Variants in TANC2 observed in about 807,000 individuals in gnomAD.
TANC2 encodes protein TANC2.
A neutral mutation model predicts 210.5 loss-of-function variants in TANC2; 26 were observed. That is an observed-to-expected ratio of 0.12 (90% CI 0.09 to 0.17). The LOEUF (loss-of-function observed/expected upper bound fraction) is 0.17. TANC2 is among the 10% of genes least tolerant of loss of function. The pLI, the probability that TANC2 is intolerant of heterozygous loss-of-function variation, is 1.00. For synonymous variants in TANC2, 931 were observed against 967.1 expected, an observed-to-expected ratio of 0.96 and a Z score of 0.69; for missense variants, 2,129 against 2,608.9, an observed-to-expected ratio of 0.82 and a Z score of 4.01.
chr17:62,970,159 T>C (rs1158413315), intron 1 of TANC2, among the ~76,000 whole-genome samples: 1 of 152,206 alleles, frequency 6.6e-6, no homozygotes, highest in East Asian at 1.9e-4. Context: ...CCTTTCCTTA[T>C]TGTGCTGCGA....
intron 2 of TANC2, among the ~76,000 whole-genome samples, chr17:63,060,719 T>C (rs1260274172): frequency 1.3e-5 from 2 of 152,230 alleles, no homozygotes; most frequent in African/African-American, 4.8e-5. Context: ...AGTTATTTTG[T>C]TGGCTTAAAG....
chr17:63,020,404 A>C (rs1385298401), intron 2 of TANC2, among the ~76,000 whole-genome samples: 2 of 152,138 alleles, frequency 1.3e-5, no homozygotes, highest in Non-Finnish European at 2.9e-5. Context: ...CCTGGGCTCA[A>C]GAAATCCTCC....
chr17:63,063,397 A>G (rs966622545), intron 2 of TANC2, among the ~76,000 whole-genome samples: 1 of 152,150 alleles, frequency 6.6e-6, no homozygotes, highest in Non-Finnish European at 1.5e-5. Flanking sequence ...GCTTCTAATC[A>G]TGGCTTGGTC....
At chr17:63,296,145 T>C (rs1161747087) in intron 9 of TANC2, among the ~76,000 whole-genome samples, 1 of 152,170 alleles carries the variant, frequency 6.6e-6, no homozygotes, top group Non-Finnish European at 1.5e-5. Context: ...GAATCAGTCC[T>C]TGCCCTGAAG....
intron 9 of TANC2, among the ~76,000 whole-genome samples, chr17:63,296,642 A>G (rs2044545905): frequency 6.6e-6 from 1 of 152,254 alleles, no homozygotes. Context: ...AAATAGGGTC[A>G]AAGAGCTAAA....
chr17:63,146,967 T>A (rs2039481565), intron 4 of TANC2, among the ~76,000 whole-genome samples: 1 of 151,978 alleles, frequency 6.6e-6, no homozygotes, highest in African/African-American at 2.4e-5. Context: ...CTTAGGACTC[T>A]TTAAAAAACA....
intron 2 of TANC2, among the ~76,000 whole-genome samples, chr17:63,013,114 G>T (rs1444000493): frequency 1.3e-5 from 2 of 149,676 alleles, no homozygotes; most frequent in Non-Finnish European, 3.0e-5. Flanking sequence ...GGGTTGAAGT[G>T]CGGTAGTTAT....
At chr17:63,425,495 A>G (rs948707555) in exon 28 of TANC2, 3 of 152,238 alleles carry the variant, frequency 2.0e-5, no homozygotes, top group Non-Finnish European at 2.9e-5. Context: ...TTTAATATCC[A>G]TAAGTATTTT....
intron 5 of TANC2, among the ~76,000 whole-genome samples, chr17:63,187,717 A>G (rs2041044214): frequency 6.6e-6 from 1 of 152,104 alleles, no homozygotes; most frequent in African/African-American, 2.4e-5. Flanking sequence ...CTAAGACACA[A>G]TATGAAACTG....
chr17:63,408,489 C>A (rs1478474038), intron 21 of TANC2, among the ~76,000 whole-genome samples: 4 of 152,220 alleles, frequency 2.6e-5, no homozygotes, highest in Middle Eastern at 3.2e-3. Flanking sequence ...ACTTTCTTAT[C>A]CTACTCTTTC....
At chr17:63,164,096 T>C (rs934847747) in intron 5 of TANC2, among the ~76,000 whole-genome samples, 3 of 150,724 alleles carry the variant, frequency 2.0e-5, no homozygotes, top group African/African-American at 7.3e-5. Context: ...TACTGGGAGA[T>C]AAATTAGCAA....
intron 4 of TANC2, among the ~76,000 whole-genome samples, chr17:63,118,275 T>C (rs1310852283): frequency 2.0e-5 from 3 of 152,176 alleles, no homozygotes. Flanking sequence ...AACAACACAA[T>C]TTGCAAGTTA....
chr17:63,220,049 C>A (rs1397730969), intron 7 of TANC2, among the ~76,000 whole-genome samples: 1 of 152,044 alleles, frequency 6.6e-6, no homozygotes, highest in Non-Finnish European at 1.5e-5. Context: ...AGTCCCAACA[C>A]TGTGGGAGGT....
intron 4 of TANC2, among the ~76,000 whole-genome samples, chr17:63,101,307 T>C (rs964088117): frequency 1.3e-5 from 2 of 152,214 alleles, no homozygotes; most frequent in African/African-American, 4.8e-5. Context: ...TGGTTCTTTC[T>C]TGGCATTAAT....
intron 2 of TANC2, among the ~76,000 whole-genome samples, chr17:63,016,687 G>T (rs537150895): frequency 1.3e-5 from 2 of 152,202 alleles, no homozygotes; most frequent in African/African-American, 4.8e-5. Context: ...CATGGCATAA[G>T]GGTTCCAATT....
intron 14 of TANC2, among the ~76,000 whole-genome samples, chr17:63,362,227 A>G (rs2046983729): frequency 6.6e-6 from 1 of 152,238 alleles, no homozygotes; most frequent in African/African-American, 2.4e-5. Context: ...TCCTATCTGC[A>G]GGCAGGTTGT....
rs898516805 is a variant in TANC2 at position 62,987,304 on chromosome 17, C to G, written c.-24+20555C>G. Among the ~76,000 whole-genome samples the G allele has an allele frequency of 2.6e-5, 4 of 152,132 alleles. No individual in the cohort carries two copies. The South Asian group carries it at 8.3e-4, about 32-fold the overall frequency. The stretch of plus-strand genomic sequence containing the variant: ...AATTCGTAGTATAAAGATGGAGCCC[C>G]CGTGCTGGAGAGGTGCAGTGGCTAC... On this transcript the variant is annotated intron_variant, in intron 1 of 27. Transcript: ENST00000689528.
At chr17:63,000,570 A>G (rs567552275) in intron 1 of TANC2, among the ~76,000 whole-genome samples, 48 of 152,328 alleles carry the variant, frequency 3.2e-4, no homozygotes, top group African/African-American at 1.2e-3. Flanking sequence ...AAGCTTAGGG[A>G]CCATGTAGAT....
intron 4 of TANC2, among the ~76,000 whole-genome samples, chr17:63,109,739 T>A (rs1567729565): frequency 2.6e-5 from 4 of 151,786 alleles, no homozygotes; most frequent in Admixed American, 2.6e-4. Flanking sequence ...GTGAACACTT[T>A]CAGTGATAGT....
Sources: gnomAD v4.1 joint callset for allele counts (sites outside exome capture counted in the v4.1 genomes callset) on GRCh38, gnomAD v4.1.1 for gene constraint, MANE v1.5 for transcripts, NCBI Gene and HGNC (gene_info 2026-07-23, HGNC 2026-07-21) for gene names.